The following GALNT2 variants were observed in gnomAD, a reference collection of about 807,000 sequenced individuals.
GALNT2 encodes polypeptide N-acetylgalactosaminyltransferase 2, also known as UDP-GalNAc:polypeptide N-acetylgalactosaminyltransferase 2.
GALNT2 carries 31 observed loss-of-function variants against 81.4 expected under a neutral mutation model. The ratio of observed to expected loss-of-function variants is 0.38; its 90% confidence interval spans 0.29 to 0.51. The LOEUF is 0.51. Ranked by LOEUF, GALNT2 falls within the 20% of genes least tolerant of loss-of-function variation. The pLI, the probability that GALNT2 is intolerant of heterozygous loss-of-function variation, is 0.87. For synonymous variants in GALNT2, 303 were observed against 287.4 expected (o/e 1.05, Z -0.55); for missense variants, 629 against 765.7 (o/e 0.82, Z 2.11).
chr1:230,278,129 T>TA (rs71563436), intron 15 of GALNT2, among the ~76,000 whole-genome samples: 27 of 149,390 alleles, frequency 1.8e-4, no homozygotes, highest in African/African-American at 6.6e-4. Flanking sequence ...TTTTTTTTTT[T>TA]AAGAGACAGG....
intron 1 of GALNT2, chr1:230,091,516 C>T (rs1660081099): frequency 6.6e-6 from 1 of 152,206 alleles, no homozygotes; most frequent in Non-Finnish European, 1.5e-5. Context: ...AATCAATACC[C>T]TCTCCTTAGG....
upstream of GALNT2, chr1:230,057,857 G>A: frequency 2.9e-6 from 1 of 345,718 alleles, no homozygotes; most frequent in Admixed American, 3.6e-5. Flanking sequence ...CCTAAAGGAA[G>A]GTAGCAACCA....
At position 230,265,476 on chromosome 1, in the gene GALNT2, G is replaced by A. The variant is rs542772160; in HGVS notation, c.1440+109G>A. 4 of 1,483,354 alleles carry A rather than the reference G, an allele frequency of 2.7e-6. No homozygotes were observed. In the East Asian group the frequency reaches 9.1e-5, roughly 34 times the overall value. The allele number at this position is 1,483,354 out of a possible 1,614,324, so 91.9% of individuals were successfully genotyped here. A position where few individuals can be genotyped will look rare whatever the true frequency, so the allele number is the denominator to read the frequency against. On this transcript the variant is annotated intron_variant, in intron 14 of 15. Transcript: ENST00000366672. ...CCACCTTTCTCCTGGGATGGGTGAT[G>A]TCTATGAGGAAGCACCTGGCTCCTG...
Position 230,203,259 on chromosome 1 carries a change from G to A in GALNT2, c.343G>A (p.Asp115Asn), listed in dbSNP as rs758579528. ...GGTGGAGAGTGATAAGCTTCGAATG[G>A]ACAGAGCCATCCCTGACACCCGGCA... is the stretch of plus-strand genomic sequence containing the variant. ...NQVESDKLRM[D>N]RAIPDTRHDQ... Residue 115 changes from aspartate to asparagine, a missense_variant, in exon 3 of 16, where the codon GAC (aspartate) becomes AAC (asparagine). By Grantham distance (23) the Asp-to-Asn change is conservative (BLOSUM62 1). Around this residue, in one of 3 missense-constraint regions of GALNT2, gnomAD observed 360 missense variants for 492.8 expected, o/e 0.73. Coordinates refer to ENST00000366672, the MANE Select transcript of GALNT2 (RefSeq NM_004481.5). The A allele has an allele frequency of 3.1e-6, 5 of 1,614,126 alleles. No homozygotes were observed. Among genetic ancestry groups the A allele is most frequent in the Non-Finnish European group, 4.2e-6 (5 of 1,180,000 alleles).
intron 2 of GALNT2, among the ~76,000 whole-genome samples, chr1:230,185,985 T>C (rs1572062250): frequency 6.6e-6 from 1 of 152,194 alleles, no homozygotes; most frequent in South Asian, 2.1e-4. Context: ...CCTGTCCAAT[T>C]TGGGGGGCTG....
At chr1:230,091,241 A>ATT (rs5781563) in intron 1 of GALNT2, among the ~76,000 whole-genome samples, 3 of 144,498 alleles carry the variant, frequency 2.1e-5, no homozygotes, top group East Asian at 2.1e-4. Context: ...AATTTTTTGT[A>ATT]TTTTTTTTTT....
chr1:230,251,305 G>A lies in GALNT2; in HGVS notation c.1009+745G>A, dbSNP rs977970456. Among the ~76,000 whole-genome samples, 18 of 152,180 alleles carry A rather than the reference G, an allele frequency of 1.2e-4. No individual in the cohort carries two copies. The South Asian group carries it at 3.7e-3, about 32-fold the overall frequency. Reference sequence around the variant, plus strand: ...GTGTTGTTAACTTACATTCGTCCTTGGGTGAGTGTACCCTGGAGGACAGGG... The same window carrying A: ...GTGTTGTTAACTTACATTCGTCCTTAGGTGAGTGTACCCTGGAGGACAGGG... On this transcript the variant is annotated intron_variant, in intron 10 of 15. Transcript: ENST00000366672.
chr1:230,164,198 A>C (rs1205564857), intron 1 of GALNT2, among the ~76,000 whole-genome samples: 1 of 152,144 alleles, frequency 6.6e-6, no homozygotes, highest in African/African-American at 2.4e-5. Context: ...GGGTGGCATC[A>C]CTGTTGCTGT....
At chr1:230,226,981 TA>T (rs1335781617) in intron 3 of GALNT2, among the ~76,000 whole-genome samples, 1 of 152,064 alleles carries the variant, frequency 6.6e-6, no homozygotes, top group Non-Finnish European at 1.5e-5. Context: ...GCTTCATCTT[TA>T]AAAAATATAA....
chr1:230,229,398 A>G (rs1417971282), intron 3 of GALNT2, among the ~76,000 whole-genome samples: 1 of 152,222 alleles, frequency 6.6e-6, no homozygotes, highest in Non-Finnish European at 1.5e-5. Flanking sequence ...CTTCATACCA[A>G]TCTGGTTGGC....
chr1:230,092,227 G>T (rs1346023534), intron 1 of GALNT2, among the ~76,000 whole-genome samples: 1 of 65,880 alleles, frequency 1.5e-5, no homozygotes, highest in East Asian at 4.7e-4. Flanking sequence ...CGTTAGGCTC[G>T]TCTATGTAAT....
At chr1:230,156,010 G>A (rs977755731) in intron 1 of GALNT2, among the ~76,000 whole-genome samples, 7 of 152,148 alleles carry the variant, frequency 4.6e-5, no homozygotes, top group Non-Finnish European at 8.8e-5. Flanking sequence ...GGGAGAGACT[G>A]TGTCCTGGTC....
At chr1:230,185,410 T>A (rs1266057481) in intron 2 of GALNT2, among the ~76,000 whole-genome samples, 1 of 151,998 alleles carries the variant, frequency 6.6e-6, no homozygotes. Flanking sequence ...GGCCTTTAGT[T>A]GTGTGGTGTT....
intron 1 of GALNT2, among the ~76,000 whole-genome samples, chr1:230,135,425 C>A (rs1382096604): frequency 3.3e-5 from 5 of 152,194 alleles, no homozygotes; most frequent in Non-Finnish European, 4.4e-5. Flanking sequence ...TTCCGTTGTG[C>A]TAACAGAGAA....
intron 1 of GALNT2, among the ~76,000 whole-genome samples, chr1:230,061,053 G>A (rs1659034770): frequency 6.6e-6 from 1 of 152,134 alleles, no homozygotes; most frequent in South Asian, 2.1e-4. Context: ...TTACAGTGGA[G>A]AATGGTATTT....
At chr1:230,252,360 T>C (rs756059846) in intron 10 of GALNT2, among the ~76,000 whole-genome samples, 2 of 152,180 alleles carry the variant, frequency 1.3e-5, no homozygotes, top group Non-Finnish European at 2.9e-5. Flanking sequence ...ATGTAAGTCC[T>C]TATGTCATTT....
At chr1:230,059,449 T>G (rs1053362813) in intron 1 of GALNT2, among the ~76,000 whole-genome samples, 2 of 152,206 alleles carry the variant, frequency 1.3e-5, no homozygotes, top group African/African-American at 4.8e-5. Flanking sequence ...CTAGAAGTCA[T>G]GCACAAGTGT....
chr1:230,195,740 G>A (rs1188019731), intron 2 of GALNT2, among the ~76,000 whole-genome samples: 1 of 152,156 alleles, frequency 6.6e-6, no homozygotes, highest in Non-Finnish European at 1.5e-5. Flanking sequence ...GAGGTGCTGT[G>A]CCCGCACCGC....
rs776356643 is a variant in GALNT2 at position 230,280,157 on chromosome 1, G to A, written c.*699G>A. The A allele has an allele frequency of 4.5e-5, 17 of 378,748 alleles. No homozygotes were observed. Among genetic ancestry groups the A allele is most frequent in the Non-Finnish European group, 7.4e-5 (14 of 189,138 alleles). 23.5% of individuals were successfully genotyped at this position (378,748 alleles called of 1,614,324 possible). ...CCCCACAAAGCCGTTCGCAGCTTCC[G>A]GGAGAAGGGGCCAGAGCCCGGTGGG... On this transcript the variant is annotated 3_prime_UTR_variant, in exon 16 of 16. Transcript: ENST00000366672.
Sources: gnomAD v4.1 joint callset for allele counts (sites outside exome capture counted in the v4.1 genomes callset) on GRCh38, gnomAD v4.1.1 for gene constraint, gnomAD v4.1.1 regional missense constraint, MANE v1.5 for transcripts, NCBI Gene and HGNC (gene_info 2026-07-23, HGNC 2026-07-21) for gene names.